Variants in SARS1 observed in about 807,000 individuals in gnomAD.
The protein encoded by SARS1 is seryl-tRNA synthetase 1, also known as serine--tRNA ligase, cytoplasmic.
In SARS1, 25 loss-of-function variants were observed where a neutral mutation model predicts 63.7. The observed-to-expected ratio is 0.39, with a 90% CI of 0.29 to 0.55. The LOEUF (loss-of-function observed/expected upper bound fraction) is 0.55. Among genes scored for constraint, SARS1 ranks in the 20% least tolerant of loss-of-function variants. The pLI is 0.62. For missense variants in SARS1, 417 were observed against 649.7 expected, an observed-to-expected ratio of 0.64 and a Z score of 3.89; for synonymous variants, 231 against 243.5, an observed-to-expected ratio of 0.95 and a Z score of 0.48.
At chr1:109,234,393 TATA>T (rs1490593645) in intron 6 of SARS1, among the ~76,000 whole-genome samples, 1 of 152,220 alleles carries the variant, frequency 6.6e-6, no homozygotes, top group Non-Finnish European at 1.5e-5. Context: ...TTTATGGTTG[TATA>T]ATATTACATA....
At chr1:109,216,174 T>C (rs1654780918) in intron 1 of SARS1, 1 of 985,312 alleles carries the variant, frequency 1.0e-6, no homozygotes, top group Non-Finnish European at 1.2e-6. Context: ...GAACTTCAGA[T>C]CAGAGGATGG....
intron 2 of SARS1, among the ~76,000 whole-genome samples, chr1:109,224,973 C>T (rs1655034591): frequency 6.6e-6 from 1 of 152,102 alleles, no homozygotes; most frequent in Admixed American, 6.6e-5. Context: ...GACGTGGCGG[C>T]CTGTGCCTGT....
chr1:109,216,622 T>C, intron 1 of SARS1: 1 of 975,510 alleles, frequency 1.0e-6, no homozygotes, highest in Non-Finnish European at 1.2e-6. Flanking sequence ...ACATTGAAAA[T>C]TGAAGTTGTT....
In SARS1 at chr1:109,235,325, A is replaced by C. The variant is rs777225589; in HGVS notation, c.863A>C (p.Glu288Ala). The change falls in exon 7 of 11, where the codon GAG (glutamate) becomes GCG (alanine). Residue 288 changes from glutamate to alanine, a missense_variant. Transcript: ENST00000234677. This position sits in a 1 kb window ranked among gnomAD's most constrained non-coding sequence, Gnocchi z 4.7. ...ALHRDEWLRP[E>A]DLPIKYAGLS... ...CACCGGGATGAGTGGCTCCGGCCGG[A>C]GGACCTGCCCATCAAGTATGCTGGC... The C allele has an allele frequency of 6.2e-7, 1 of 1,614,020 alleles. No homozygotes were observed. Among genetic ancestry groups the C allele is most frequent in the South Asian group, 1.1e-5 (1 of 91,060 alleles).
At chr1:109,217,424 G>A (rs927079106) in intron 1 of SARS1, among the ~76,000 whole-genome samples, 1 of 151,674 alleles carries the variant, frequency 6.6e-6, no homozygotes, top group African/African-American at 2.4e-5. Flanking sequence ...ATAAGTTGGC[G>A]ATAGTCTGTA....
At position 109,221,260 on chromosome 1, in the gene SARS1, C is replaced by T. The variant is rs563363369; in HGVS notation, c.137-2718C>T. 2.0e-5 allele frequency among the ~76,000 whole-genome samples: 3 copies of T among 152,228 alleles called. No homozygotes were observed. The South Asian group carries it at 6.2e-4, about 32-fold the overall frequency. ...ATTTTTAGTAGAAACAGGATTTCAC[C>T]ATGTTGGCCAGGATGGTCTCGATCT... On this transcript the variant is annotated intron_variant, in intron 1 of 10. Coordinates refer to ENST00000234677, the MANE Select transcript of SARS1 (RefSeq NM_006513.4).
At position 109,224,062 on chromosome 1, in the gene SARS1, A is replaced by G. The variant is rs754702965; in HGVS notation, c.207+14A>G. The G allele has an allele frequency of 1.3e-5, 21 of 1,587,996 alleles. 1 individual carries two copies. In the South Asian group the frequency reaches 1.3e-4, roughly 10 times the overall value. ...GAGAAAATGAAGGTAAGAGAACTGA[A>G]TAACAAACAGCCATGAGAACTTGAG... On this transcript the variant is annotated intron_variant, in intron 2 of 10. Coordinates refer to ENST00000234677, the MANE Select transcript of SARS1 (RefSeq NM_006513.4).
chr1:109,216,656 A>T (rs1298348821), intron 1 of SARS1: 1 of 912,426 alleles, frequency 1.1e-6, no homozygotes, highest in Non-Finnish European at 1.3e-6. Context: ...TTAATTTGAG[A>T]CAAGGTCTCA....
At chr1:109,215,681 T>C (rs1396009445) in intron 1 of SARS1, 1 of 937,508 alleles carries the variant, frequency 1.1e-6, no homozygotes, top group Non-Finnish European at 1.3e-6. Flanking sequence ...TAATCCTAAA[T>C]GTGAAGTCAT....
At chr1:109,220,287 AATACCAAGT>A (rs1261699463) in intron 1 of SARS1, among the ~76,000 whole-genome samples, 1 of 152,228 alleles carries the variant, frequency 6.6e-6, no homozygotes, top group African/African-American at 2.4e-5. Context: ...TTTAGTAGAT[AATACCAAGT>A]AGTTTTCCAA....
chr1:109,214,537 GT>G lies in SARS1; in HGVS notation c.136+413del. ...AGCAAGGCCAGAGTGGTTTTCCTTT[GT>G]TTTGATAGGATCAAAGGCTTCTCCT... On this transcript the variant is annotated intron_variant, in intron 1 of 10. Coordinates refer to ENST00000234677, the MANE Select transcript of SARS1 (RefSeq NM_006513.4). The surrounding 1 kb of genome is among the most constrained non-coding windows in gnomAD (Gnocchi z 4.6). The G allele has an allele frequency of 7.0e-6, 7 of 1,000,830 alleles. No individual in the cohort carries two copies. Among genetic ancestry groups the G allele is most frequent in the Non-Finnish European group, 8.3e-6 (7 of 838,514 alleles). The allele number at this position is 1,000,830 out of a possible 1,614,324, so 62.0% of individuals were successfully genotyped here.
At chr1:109,226,045 C>T (rs770477357) in intron 2 of SARS1, among the ~76,000 whole-genome samples, 10 of 151,762 alleles carry the variant, frequency 6.6e-5, no homozygotes, top group Admixed American at 1.3e-4. Flanking sequence ...CAGGCTGGAG[C>T]GCAGTGGCAC....
chr1:109,235,183 A>G lies in SARS1; in HGVS notation c.748-27A>G, dbSNP rs757894839. ...GCCAAGGTCCTCCCCACTTCCTCTT[A>G]ACTGGTATAGCTCCTTCCTTCCACA... On this transcript the variant is annotated intron_variant, in intron 6 of 10. Transcript: ENST00000234677. The surrounding 1 kb of genome is among the most constrained non-coding windows in gnomAD (Gnocchi z 4.7). 15 of 1,574,826 alleles carry G rather than the reference A, an allele frequency of 9.5e-6. No homozygotes were observed. In the South Asian group the frequency reaches 1.7e-4, roughly 17 times the overall value.
chr1:109,214,640 C>T lies in SARS1; in HGVS notation c.136+512C>T. 5.1e-6 allele frequency: 5 copies of T among 985,770 alleles called. No individual in the cohort carries two copies. The highest frequency in any genetic ancestry group is 6.0e-6 in the Non-Finnish European group (5 of 830,158). 61.1% of individuals were successfully genotyped at this position (985,770 alleles called of 1,614,324 possible). A position where few individuals can be genotyped will look rare whatever the true frequency, so the allele number is the denominator to read the frequency against. ...GCATTTCGGGGCGTTGGAGGCCGCTCTTGGCCAAAATAAATGACCCTGAAG... is the reference window on the plus strand; with the variant it reads ...GCATTTCGGGGCGTTGGAGGCCGCTTTTGGCCAAAATAAATGACCCTGAAG... On this transcript the variant is annotated intron_variant, in intron 1 of 10. Transcript: ENST00000234677. The surrounding 1 kb of genome is among the most constrained non-coding windows in gnomAD (Gnocchi z 4.6).
rs376554890 is a variant in SARS1, at chr1:109,236,362, T to C, written c.1100-29T>C. 3.8e-6 allele frequency: 6 copies of C among 1,573,454 alleles called. No individual in the cohort carries two copies. The African/African-American group carries it at 4.1e-5, about 11-fold the overall frequency. On this transcript the variant is annotated intron_variant, in intron 8 of 10. Transcript: ENST00000234677. ...AGCCTTCTGAAATACCATCCCTCCTTCATGAATTCTAGGGGTTTTTCCTTA... is the reference window on the plus strand; with the variant it reads ...AGCCTTCTGAAATACCATCCCTCCTCCATGAATTCTAGGGGTTTTTCCTTA...
chr1:109,230,934 C>G lies in SARS1; in HGVS notation c.504C>G (p.Tyr168Ter). 1 of 1,599,600 alleles carries G rather than the reference C, an allele frequency of 6.3e-7. No homozygotes were observed. The highest frequency in any genetic ancestry group is 8.5e-7 in the Non-Finnish European group (1 of 1,172,620). Residue 168 changes from tyrosine (Y) to a stop codon, truncating the protein, a stop_gained, in exon 5 of 11, where the codon TAC (tyrosine) becomes TAG (stop). Transcript: ENST00000234677. LOFTEE classifies it high-confidence loss of function. ...GTGATTGTACAGTCAGGAAGAAGTA[C>G]TCTCATGTGGACCTGGTGGTGATGG... ...IWGDCTVRKK[Y>*]SHVDLVVMVD... is the part of the protein sequence containing the mutation.
intron 2 of SARS1, among the ~76,000 whole-genome samples, chr1:109,225,869 TCTTGCAAACATATCACC>T (rs1296161580): frequency 6.6e-6 from 1 of 152,234 alleles, no homozygotes; most frequent in Non-Finnish European, 1.5e-5. Flanking sequence ...CTGGTAACTA[TCTTGCAAACATATCACC>T]CTGCCTATGA....
chr1:109,234,914 C>T (rs897260694), intron 6 of SARS1, among the ~76,000 whole-genome samples: 8 of 152,010 alleles, frequency 5.3e-5, no homozygotes, highest in Admixed American at 3.9e-4. Context: ...TGCAGTGAGC[C>T]GAGATTGTGC....
At position 109,214,128 on chromosome 1, in the gene SARS1, T is replaced by C; in HGVS notation, c.136T>C (p.Cys46Arg). The change falls in exon 1 of 11, where the codon TGT becomes CGT. Residue 46 changes from cysteine (C) to arginine (R), a missense_variant and splice_region_variant. By Grantham distance (180) the Cys-to-Arg change is radical. This residue lies in a region of SARS1 where 359 missense variants were observed against 529.6 expected (regional missense o/e 0.68). Coordinates refer to ENST00000234677, the MANE Select transcript of SARS1 (RefSeq NM_006513.4). The surrounding 1 kb of genome is among the most constrained non-coding windows in gnomAD (Gnocchi z 4.6). Reference sequence around the variant, plus strand: ...GAAGGCAGACAGCGAGTGGCGACGATGTAAGTACCGGGACGGGCGGGTTAC... The same window carrying C: ...GAAGGCAGACAGCGAGTGGCGACGACGTAAGTACCGGGACGGGCGGGTTAC... ...LVKADSEWRR[C>R]RFRADNLNKL... The C allele has an allele frequency of 1.9e-6, 3 of 1,613,496 alleles. No individual in the cohort carries two copies. The highest frequency in any genetic ancestry group is 2.5e-6 in the Non-Finnish European group (3 of 1,179,666).
Sources: allele counts gnomAD v4.1 joint callset (sites outside exome capture counted in the v4.1 genomes callset), GRCh38; gene constraint gnomAD v4.1.1; regional missense constraint gnomAD v4.1.1; non-coding constraint Gnocchi (gnomAD v3.1); transcripts MANE v1.5; gene names NCBI Gene and HGNC (gene_info 2026-07-23, HGNC 2026-07-21).